The following UBE3C variants were observed in gnomAD, a reference collection of about 807,000 sequenced individuals.
UBE3C encodes ubiquitin protein ligase E3C.
UBE3C carries 42 observed loss-of-function variants against 129.4 expected under a neutral mutation model. That is an observed-to-expected ratio of 0.32 (90% CI 0.25 to 0.42). The LOEUF (loss-of-function observed/expected upper bound fraction) is 0.42. Ranked by LOEUF, UBE3C falls within the 10% of genes least tolerant of loss-of-function variation. The probability of loss-of-function intolerance (pLI) is 1.00; values close to 1 mark genes in which losing one functional copy is unlikely to be tolerated. For synonymous variants in UBE3C, 510 were observed against 492.4 expected, an observed-to-expected ratio of 1.04 and a Z score of -0.47; for missense variants, 1,049 against 1,319.1, an observed-to-expected ratio of 0.80 and a Z score of 3.17.
intron 18 of UBE3C, among the ~76,000 whole-genome samples, chr7:157,234,288 AC>A: frequency 6.6e-6 from 1 of 152,120 alleles, no homozygotes; most frequent in Middle Eastern, 3.2e-3. Context: ...TGTTCTTCTG[AC>A]GGTGTTGTAG....
At position 157,182,722 on chromosome 7, in the gene UBE3C, T is replaced by C. The variant is rs1016474848; in HGVS notation, c.991+394T>C. 1.3e-5 allele frequency among the ~76,000 whole-genome samples: 2 copies of C among 151,024 alleles called. 1 individual carries two copies. The highest frequency in any genetic ancestry group is 4.2e-4 in the South Asian group (2 of 4,788). On this transcript the variant is annotated intron_variant, in intron 8 of 22. Coordinates refer to ENST00000348165, the MANE Select transcript of UBE3C (RefSeq NM_014671.3). The stretch of plus-strand genomic sequence containing the variant: ...GCATGAATTATTCATGAAAGAAATA[T>C]AGGAAAATGTGAAAACCAAACTTTT...
At chr7:157,240,582 G>A (rs1235386804) in intron 18 of UBE3C, among the ~76,000 whole-genome samples, 1 of 152,096 alleles carries the variant, frequency 6.6e-6, no homozygotes, top group Non-Finnish European at 1.5e-5. Flanking sequence ...CCAGGGGTGG[G>A]GTTTTTTGCC....
intron 10 of UBE3C, among the ~76,000 whole-genome samples, chr7:157,188,781 A>G (rs1007478239): frequency 6.6e-6 from 1 of 151,306 alleles, no homozygotes; most frequent in African/African-American, 2.5e-5. Context: ...TAACTGTTAC[A>G]GATTTTAACT....
intron 10 of UBE3C, among the ~76,000 whole-genome samples, chr7:157,191,225 G>A (rs1367038413): frequency 2.6e-5 from 4 of 152,142 alleles, no homozygotes; most frequent in Non-Finnish European, 2.9e-5. Flanking sequence ...GCCTCGAAGC[G>A]CAGTGCTTCT....
Position 157,267,817 on chromosome 7 carries a change from C to G in UBE3C, c.*62C>G. 1.4e-6 allele frequency: 2 copies of G among 1,454,122 alleles called. No individual in the cohort carries two copies. The highest frequency in any genetic ancestry group is 1.8e-6 in the Non-Finnish European group (2 of 1,091,438). 90.1% of individuals were successfully genotyped at this position (1,454,122 alleles called of 1,614,324 possible). On this transcript the variant is annotated 3_prime_UTR_variant, in exon 23 of 23. Coordinates refer to ENST00000348165, the MANE Select transcript of UBE3C (RefSeq NM_014671.3). Reference sequence around the variant, plus strand: ...TGCTTCCTTCGTCAGCAGCGCCTCCCCAGACCCACGAGGATACTCACACTG... The same window carrying G: ...TGCTTCCTTCGTCAGCAGCGCCTCCGCAGACCCACGAGGATACTCACACTG...
intron 1 of UBE3C, among the ~76,000 whole-genome samples, chr7:157,162,994 GTTTT>G (rs938183824): frequency 2.0e-5 from 3 of 151,940 alleles, no homozygotes; most frequent in Admixed American, 2.0e-4. Flanking sequence ...TCAAAACTTA[GTTTT>G]ATTTATGAAA....
At chr7:157,146,370 T>G (rs559431450) in intron 1 of UBE3C, among the ~76,000 whole-genome samples, 1 of 151,956 alleles carries the variant, frequency 6.6e-6, no homozygotes, top group East Asian at 1.9e-4. Flanking sequence ...TAGCTAGGAT[T>G]ACAGGTGTGC....
intron 9 of UBE3C, among the ~76,000 whole-genome samples, chr7:157,186,343 T>C (rs1488522954): frequency 6.6e-6 from 1 of 151,196 alleles, no homozygotes; most frequent in Non-Finnish European, 1.5e-5. Context: ...TGCTTGAACC[T>C]GGGAGGCGGA....
At chr7:157,140,107 G>A in intron 1 of UBE3C, 1 of 901,018 alleles carries the variant, frequency 1.1e-6, no homozygotes, top group Non-Finnish European at 1.3e-6. Context: ...ACGGGCATCA[G>A]TTGGTTCACT....
intron 15 of UBE3C, chr7:157,221,329 G>A (rs1795730138): frequency 6.5e-6 from 1 of 153,362 alleles, no homozygotes; most frequent in Non-Finnish European, 1.5e-5. Flanking sequence ...TTAACTTGAT[G>A]AGAAGCTGCA....
intron 1 of UBE3C, among the ~76,000 whole-genome samples, chr7:157,143,239 T>TA (rs1156982416): frequency 3.3e-5 from 5 of 152,146 alleles, no homozygotes; most frequent in Non-Finnish European, 7.3e-5. Flanking sequence ...ACTGATAGCA[T>TA]GATGCAGTTT....
At chr7:157,192,661 T>A in intron 10 of UBE3C, 1 of 768,124 alleles carries the variant, frequency 1.3e-6, no homozygotes, top group Non-Finnish European at 2.4e-6. Flanking sequence ...AAGGGGAAGC[T>A]GGCTGTCCTG....
intron 22 of UBE3C, 108 bp downstream of exon 22, chr7:157,257,152 A>C: frequency 7.1e-7 from 1 of 1,416,848 alleles, no homozygotes. Context: ...TTTTGTTTTT[A>C]TCTTCAGCTA....
intron 10 of UBE3C, among the ~76,000 whole-genome samples, chr7:157,194,179 G>A (rs1018418963): frequency 6.6e-6 from 1 of 152,078 alleles, no homozygotes; most frequent in Non-Finnish European, 1.5e-5. Flanking sequence ...TTTTGAAATG[G>A]GGCTGGCTGT....
intron 18 of UBE3C, among the ~76,000 whole-genome samples, chr7:157,236,177 G>A (rs928406375): frequency 2.0e-5 from 3 of 152,160 alleles, no homozygotes; most frequent in Non-Finnish European, 4.4e-5. Context: ...TTTGTCGCCT[G>A]TAAGTCAGGC....
chr7:157,153,600 C>T (rs981628332), intron 1 of UBE3C, among the ~76,000 whole-genome samples: 1 of 152,118 alleles, frequency 6.6e-6, no homozygotes, highest in Non-Finnish European at 1.5e-5. Flanking sequence ...ACACGCCCAG[C>T]CAGAAAGTCA....
chr7:157,182,505 A>G (rs1031575886), intron 8 of UBE3C, among the ~76,000 whole-genome samples, 177 bp downstream of exon 8: 1 of 152,154 alleles, frequency 6.6e-6, no homozygotes, highest in African/African-American at 2.4e-5. Context: ...TTCCAGATAC[A>G]GTGGAAAAGA....
chr7:157,159,138 T>G (rs1312790188), intron 1 of UBE3C, among the ~76,000 whole-genome samples: 1 of 152,208 alleles, frequency 6.6e-6, no homozygotes, highest in Non-Finnish European at 1.5e-5. Flanking sequence ...GGAAAGTCTC[T>G]CTCTCCTTGA....
At chr7:157,219,428 A>G (rs1795675460) in intron 14 of UBE3C, among the ~76,000 whole-genome samples, 3 of 152,274 alleles carry the variant, frequency 2.0e-5, no homozygotes, top group Admixed American at 1.3e-4. Flanking sequence ...AGCATCCCAC[A>G]CCACCTAGGA....
Sources: gnomAD v4.1 joint callset for allele counts (sites outside exome capture counted in the v4.1 genomes callset) on GRCh38, gnomAD v4.1.1 for gene constraint, MANE v1.5 for transcripts, NCBI Gene and HGNC (gene_info 2026-07-23, HGNC 2026-07-21) for gene names.